The following MAGI1 variants were observed in gnomAD, a reference collection of about 807,000 sequenced individuals.
MAGI1 encodes the protein membrane-associated guanylate kinase, WW and PDZ domain-containing protein 1.
A neutral mutation model predicts 139.9 loss-of-function variants in MAGI1; 58 were observed. The observed-to-expected ratio is 0.41, with a 90% confidence interval of 0.34 to 0.52. The LOEUF is 0.52. MAGI1 is among the 20% of genes least tolerant of loss of function. The probability of loss-of-function intolerance (pLI) is 0.12; values close to 1 mark genes in which losing one functional copy is unlikely to be tolerated. For missense variants in MAGI1, 1,874 were observed against 1,901.6 expected (o/e 0.99, Z 0.27); for synonymous variants, 812 against 737.9 (o/e 1.10, Z -1.63).
intron 1 of MAGI1, among the ~76,000 whole-genome samples, chr3:65,779,826 A>G (rs1269488802): frequency 6.6e-6 from 1 of 152,232 alleles, no homozygotes; most frequent in Non-Finnish European, 1.5e-5. Context: ...AGCAGTAGCA[A>G]GTAACTCTAA....
intron 1 of MAGI1, among the ~76,000 whole-genome samples, chr3:65,685,230 G>C (rs2087917626): frequency 6.6e-6 from 1 of 151,132 alleles, no homozygotes; most frequent in Admixed American, 6.6e-5. Context: ...CATAACAGAA[G>C]TGAAAATACC....
intron 1 of MAGI1, among the ~76,000 whole-genome samples, chr3:65,638,536 T>C (rs1042610473): frequency 2.7e-5 from 4 of 146,960 alleles, no homozygotes; most frequent in African/African-American, 1.0e-4. Context: ...ATTTCCTTCC[T>C]TCCTCCCACC....
chr3:65,937,597 G>A (rs1417548501), intron 1 of MAGI1, among the ~76,000 whole-genome samples: 1 of 152,094 alleles, frequency 6.6e-6, no homozygotes, highest in Non-Finnish European at 1.5e-5. Context: ...TGTTTGCTAG[G>A]TGGCTTGCTT....
rs188619023 is a variant in MAGI1 at position 65,360,100 on chromosome 3, G to A, written c.3634+1099C>T. The A allele has an allele frequency of 1.3e-3, 1,318 of 985,184 alleles. 2 individuals are homozygous for A. Among genetic ancestry groups the A allele is most frequent in the Non-Finnish European group, 1.5e-3 (1,232 of 829,892 alleles). The allele number at this position is 985,184 out of a possible 1,614,324, so 61.0% of individuals were successfully genotyped here. ...CGTATTTTGCACCTGTACAAATGTCGAACACCTGGGAAGGCTGGCCCTCCA... is the reference window on the plus strand; with the variant it reads ...CGTATTTTGCACCTGTACAAATGTCAAACACCTGGGAAGGCTGGCCCTCCA... On this transcript the variant is annotated intron_variant, in intron 22 of 22. Transcript: ENST00000402939.
chr3:65,777,355 A>G (rs903780344), intron 1 of MAGI1, among the ~76,000 whole-genome samples: 3 of 152,180 alleles, frequency 2.0e-5, no homozygotes, highest in African/African-American at 7.2e-5. Flanking sequence ...TACTTAGACG[A>G]ATGACTGGAA....
chr3:65,556,835 C>CA (rs2080106652), intron 2 of MAGI1, among the ~76,000 whole-genome samples: 1 of 152,164 alleles, frequency 6.6e-6, no homozygotes, highest in South Asian at 2.1e-4. Context: ...CCTAAAAGGA[C>CA]ATGTCTTTTT....
At chr3:65,620,896 T>C (rs1411095751) in intron 2 of MAGI1, among the ~76,000 whole-genome samples, 1 of 152,190 alleles carries the variant, frequency 6.6e-6, no homozygotes, top group African/African-American at 2.4e-5. Flanking sequence ...CATCTAGAAC[T>C]ATAGTCTAAG....
chr3:65,689,488 A>G (rs1374711702), intron 1 of MAGI1, among the ~76,000 whole-genome samples: 1 of 152,144 alleles, frequency 6.6e-6, no homozygotes, highest in Non-Finnish European at 1.5e-5. Flanking sequence ...AAAATAAAAA[A>G]CCACTCCAAT....
chr3:65,608,165 G>A (rs1222461201), intron 2 of MAGI1, among the ~76,000 whole-genome samples: 2 of 152,148 alleles, frequency 1.3e-5, no homozygotes, highest in Admixed American at 1.3e-4. Flanking sequence ...ACGGGGACCG[G>A]GTGGAGTGGC....
At chr3:65,704,303 T>C (rs2107622626) in intron 1 of MAGI1, among the ~76,000 whole-genome samples, 1 of 152,326 alleles carries the variant, frequency 6.6e-6, no homozygotes, top group African/African-American at 2.4e-5. Context: ...AAGCTTCAAC[T>C]CATTCCAATG....
chr3:65,381,421 GAA>G (rs1306017841), intron 16 of MAGI1, among the ~76,000 whole-genome samples: 2 of 143,266 alleles, frequency 1.4e-5, no homozygotes, highest in African/African-American at 5.1e-5. Context: ...CTTGTAGAAA[GAA>G]AAAAAAAAAA....
chr3:65,818,164 C>T (rs2041729076), intron 1 of MAGI1, among the ~76,000 whole-genome samples: 2 of 152,168 alleles, frequency 1.3e-5, no homozygotes, highest in Non-Finnish European at 2.9e-5. Context: ...TACTCAAACA[C>T]TGTCCCAGTC....
At chr3:65,408,656 A>G (rs1945543956) in intron 12 of MAGI1, among the ~76,000 whole-genome samples, 1 of 152,182 alleles carries the variant, frequency 6.6e-6, no homozygotes, top group Non-Finnish European at 1.5e-5. Flanking sequence ...CCTGCCAACC[A>G]GTTTTTTGTT....
chr3:65,906,023 C>T (rs1299448987), intron 1 of MAGI1, among the ~76,000 whole-genome samples: 1 of 152,130 alleles, frequency 6.6e-6, no homozygotes, highest in East Asian at 1.9e-4. Context: ...CATAACCTTG[C>T]TTTTGCTCAC....
chr3:65,851,748 CA>C (rs940359797), intron 1 of MAGI1, among the ~76,000 whole-genome samples: 11 of 147,682 alleles, frequency 7.4e-5, no homozygotes, highest in Admixed American at 2.7e-4. Context: ...GTCTCTGTCT[CA>C]AAAAAAAAAT....
At chr3:65,768,892 T>G (rs1196045319) in intron 1 of MAGI1, among the ~76,000 whole-genome samples, 1 of 152,202 alleles carries the variant, frequency 6.6e-6, no homozygotes, top group Non-Finnish European at 1.5e-5. Flanking sequence ...TATTTTCCCC[T>G]TTAAACTCCA....
At chr3:65,806,626 A>G (rs1006779319) in intron 1 of MAGI1, among the ~76,000 whole-genome samples, 55 of 152,170 alleles carry the variant, frequency 3.6e-4, no homozygotes, top group African/African-American at 8.4e-4. Context: ...CAGTTCCCCA[A>G]TCATTCATTG....
chr3:66,013,337 A>G (rs1484219307), intron 1 of MAGI1, among the ~76,000 whole-genome samples: 1 of 149,052 alleles, frequency 6.7e-6, no homozygotes, highest in Admixed American at 6.8e-5. Flanking sequence ...CAGGTGGCAG[A>G]GGTTGCAGTG....
At chr3:65,991,498 C>T (rs1295336954) in intron 1 of MAGI1, among the ~76,000 whole-genome samples, 3 of 152,008 alleles carry the variant, frequency 2.0e-5, no homozygotes, top group South Asian at 2.1e-4. Flanking sequence ...GGTGACAGAA[C>T]CAGACGTCGC....
Sources: allele counts gnomAD v4.1 joint callset (sites outside exome capture counted in the v4.1 genomes callset), GRCh38; gene constraint gnomAD v4.1.1; transcripts MANE v1.5; gene names NCBI Gene and HGNC (gene_info 2026-07-23, HGNC 2026-07-21).